PTPRT: variants seen among roughly 807,000 people sequenced by gnomAD.
PTPRT encodes the protein protein tyrosine phosphatase receptor type T.
Under a neutral mutation model 176.8 loss-of-function variants are expected in PTPRT, and 56 were observed. That is an observed-to-expected ratio of 0.32 (90% confidence interval 0.26 to 0.40). The LOEUF (loss-of-function observed/expected upper bound fraction) is 0.40, where lower values mean the gene tolerates loss of function less well. Ranked by LOEUF, PTPRT falls within the 10% of genes least tolerant of loss-of-function variation. The pLI, the probability that PTPRT is intolerant of heterozygous loss-of-function variation, is 1.00. For missense variants in PTPRT, 1,540 were observed against 1,908.2 expected, an observed-to-expected ratio of 0.81 and a Z score of 3.60; for synonymous variants, 783 against 739.0, an observed-to-expected ratio of 1.06 and a Z score of -0.96.
chr20:42,870,777 C>A (rs2078831720), intron 2 of PTPRT, among the ~76,000 whole-genome samples: 1 of 152,006 alleles, frequency 6.6e-6, no homozygotes, highest in African/African-American at 2.4e-5. Context: ...TAGACTATAC[C>A]ATTTTTACAC....
chr20:42,510,222 C>T (rs993987139), intron 7 of PTPRT, among the ~76,000 whole-genome samples: 1 of 152,058 alleles, frequency 6.6e-6, no homozygotes, highest in African/African-American at 2.4e-5. Context: ...TTTCCAATAC[C>T]TAACCCCCCT....
intron 8 of PTPRT, among the ~76,000 whole-genome samples, chr20:42,455,214 C>T (rs910471576): frequency 1.3e-5 from 2 of 152,264 alleles, no homozygotes; most frequent in Non-Finnish European, 2.9e-5. Context: ...ATACTAAGCT[C>T]CTTCTTTTTA....
intron 1 of PTPRT, among the ~76,000 whole-genome samples, chr20:42,956,197 A>C (rs1981622497): frequency 6.6e-6 from 1 of 152,150 alleles, no homozygotes; most frequent in Non-Finnish European, 1.5e-5. Flanking sequence ...TTGGTGAGAC[A>C]GTTTGGATGT....
At chr20:42,480,683 A>T (rs1174152864) in intron 7 of PTPRT, among the ~76,000 whole-genome samples, 1 of 152,180 alleles carries the variant, frequency 6.6e-6, no homozygotes, top group African/African-American at 2.4e-5. Flanking sequence ...TGGACAATAG[A>T]TACAGTACAG....
chr20:42,184,541 C>CTCTTCTTCTCTTCTTCTTCTTCTTCT (rs1990661963), intron 16 of PTPRT, among the ~76,000 whole-genome samples: 1 of 91,546 alleles, frequency 1.1e-5, no homozygotes, highest in Non-Finnish European at 2.1e-5. Context: ...CTTCCTCTTC[C>CTCTTCTTCTCTTCTTCTTCTTCTTCT]TCTTCTTCTT....
intron 1 of PTPRT, among the ~76,000 whole-genome samples, chr20:42,914,462 C>T (rs1202504784): frequency 6.6e-6 from 1 of 152,172 alleles, no homozygotes; most frequent in Non-Finnish European, 1.5e-5. Context: ...ATTCAAAAAC[C>T]AACCACATTT....
chr20:43,179,550 G>A (rs775627422), intron 1 of PTPRT, among the ~76,000 whole-genome samples: 9 of 152,278 alleles, frequency 5.9e-5, no homozygotes, highest in Admixed American at 6.5e-5. Flanking sequence ...AAACACAGTC[G>A]TACTTCAATT....
At chr20:42,869,669 C>T (rs147619412) in intron 2 of PTPRT, among the ~76,000 whole-genome samples, 74 of 152,180 alleles carry the variant, frequency 4.9e-4, no homozygotes, top group Admixed American at 2.1e-3. Context: ...TGGACTTACA[C>T]TTTAAAGCTG....
chr20:43,025,190 C>A (rs1468458687), intron 1 of PTPRT, among the ~76,000 whole-genome samples: 1 of 152,154 alleles, frequency 6.6e-6, no homozygotes, highest in African/African-American at 2.4e-5. Context: ...TAACTAGATA[C>A]CTTACAAATG....
chr20:42,339,248 T>C (rs1470661666), intron 11 of PTPRT, among the ~76,000 whole-genome samples: 1 of 152,226 alleles, frequency 6.6e-6, no homozygotes, highest in African/African-American at 2.4e-5. Context: ...TATTCAGATA[T>C]GCTGTCAGCA....
chr20:42,781,669 C>G (rs1454876202), intron 3 of PTPRT, among the ~76,000 whole-genome samples: 1 of 152,158 alleles, frequency 6.6e-6, no homozygotes, highest in Non-Finnish European at 1.5e-5. Context: ...ACTTAAAATT[C>G]TCAGCAGTTT....
At chr20:42,654,885 C>T (rs892673703) in intron 7 of PTPRT, among the ~76,000 whole-genome samples, 1 of 152,200 alleles carries the variant, frequency 6.6e-6, no homozygotes, top group South Asian at 2.1e-4. Context: ...GCAAGAATAT[C>T]ACTACTACCC....
At chr20:42,763,500 A>G (rs6072859) in intron 5 of PTPRT, among the ~76,000 whole-genome samples, 30,295 of 152,088 alleles carry the variant, frequency 0.2, 3,462 homozygotes, top group African/African-American at 0.31. Flanking sequence ...TAAAAATAAA[A>G]CAAAATAAAA....
chr20:43,038,427 A>T (rs1233348066), intron 1 of PTPRT, among the ~76,000 whole-genome samples: 1 of 152,212 alleles, frequency 6.6e-6, no homozygotes, highest in Non-Finnish European at 1.5e-5. Flanking sequence ...CAATCTCAAC[A>T]TTCGTTCCTG....
At chr20:42,754,374 C>T (rs1046993394) in intron 6 of PTPRT, among the ~76,000 whole-genome samples, 23 of 151,900 alleles carry the variant, frequency 1.5e-4, no homozygotes, top group African/African-American at 3.6e-4. Flanking sequence ...TTAGTAGAGA[C>T]GGGGTTTCAC....
chr20:42,929,569 T>C (rs1297894615), intron 1 of PTPRT, among the ~76,000 whole-genome samples: 2 of 152,216 alleles, frequency 1.3e-5, no homozygotes, highest in African/African-American at 4.8e-5. Flanking sequence ...ATAGAGACTT[T>C]CAAATTTATT....
chr20:42,275,644 T>C (rs964879890), intron 13 of PTPRT, among the ~76,000 whole-genome samples: 25 of 152,138 alleles, frequency 1.6e-4, no homozygotes, highest in Non-Finnish European at 2.9e-4. Flanking sequence ...CCAGCTGTTG[T>C]AGCAAGAAAA....
chr20:42,751,435 C>T (rs57758310), intron 6 of PTPRT, among the ~76,000 whole-genome samples: 4,460 of 152,248 alleles, frequency 0.029, 209 homozygotes, highest in African/African-American at 0.099. Context: ...TTCTGACCTA[C>T]AGGGACTTGT....
At chr20:43,157,170 G>A (rs1204640641) in intron 1 of PTPRT, among the ~76,000 whole-genome samples, 1 of 150,362 alleles carries the variant, frequency 6.7e-6, no homozygotes, top group East Asian at 2.0e-4. Context: ...TGGGCAACAT[G>A]GCAAAACACT....
Sources: allele counts gnomAD v4.1 joint callset (sites outside exome capture counted in the v4.1 genomes callset), GRCh38; gene constraint gnomAD v4.1.1; transcripts MANE v1.5; gene names NCBI Gene and HGNC (gene_info 2026-07-23, HGNC 2026-07-21).